TPSAB1: variants seen among roughly 807,000 people sequenced by gnomAD.
TPSAB1 encodes tryptase alpha/beta-1.
In TPSAB1, 15 loss-of-function variants were observed where a neutral mutation model predicts 21.8. The observed-to-expected ratio is 0.69, with a 90% CI of 0.46 to 1.06. The LOEUF (loss-of-function observed/expected upper bound fraction) is 1.06, where lower values mean the gene tolerates loss of function less well. TPSAB1 is among the 50% of genes least tolerant of loss of function. The pLI, the probability that TPSAB1 is intolerant of heterozygous loss-of-function variation, is 0.00. For synonymous variants in TPSAB1, 74 were observed against 140.4 expected, an observed-to-expected ratio of 0.53 and a Z score of 3.34; for missense variants, 186 against 311.2, an observed-to-expected ratio of 0.60 and a Z score of 3.03.
rs767497079 is a variant in TPSAB1, at chr16:1,241,305, G to T, written c.214G>T (p.Ala72Ser). ...CATCCACCCCCAGTGGGTGCTGACC[G>T]CAGCGCACTGCGTGGGACCGTGAGT... is the stretch of plus-strand genomic sequence containing the variant. ...SLIHPQWVLTAAHCVGPDVKD... is the reference protein window; with the variant it reads ...SLIHPQWVLTSAHCVGPDVKD... The change falls in exon 3 of 6, where the codon GCA (alanine) becomes TCA (serine). Residue 72 changes from alanine (A) to serine (S), a missense_variant. This residue lies in a region of TPSAB1 where 89 missense variants were observed against 74.9 expected (regional missense o/e 1.19). Transcript: ENST00000338844. The T allele has an allele frequency of 1.9e-6, 3 of 1,610,530 alleles. No homozygotes were observed. The highest frequency in any genetic ancestry group is 3.3e-5 in the Admixed American group (2 of 59,830).
chr16:1,242,004 G>GGGGGCCC lies in TPSAB1; in HGVS notation c.663+14_663+15insGGGGCCC. 1 of 325,788 alleles carries GGGGGCCC rather than the reference G, an allele frequency of 3.1e-6. No homozygotes were observed. The allele number at this position is 325,788 out of a possible 1,614,324, so 20.2% of individuals were successfully genotyped here. On this transcript the variant is annotated intron_variant, in intron 5 of 5. Transcript: ENST00000338844. The stretch of plus-strand genomic sequence containing the variant: ...GACTCATGCCAGGTGGGCCCCGCCT[G>GGGGGCCC]TCCCCCGCCCCCCGCCCCCCAACCC...
Position 1,242,332 on chromosome 16 carries a change from C to G in TPSAB1, c.*92C>G. The G allele has an allele frequency of 2.0e-6, 3 of 1,514,590 alleles. No individual in the cohort carries two copies. The highest frequency in any genetic ancestry group is 1.8e-4 in the Middle Eastern group (1 of 5,684). 93.8% of individuals were successfully genotyped at this position (1,514,590 alleles called of 1,614,324 possible). A position where few individuals can be genotyped will look rare whatever the true frequency, so the allele number is the denominator to read the frequency against. On this transcript the variant is annotated 3_prime_UTR_variant, in exon 6 of 6. Coordinates refer to ENST00000338844, the MANE Select transcript of TPSAB1 (RefSeq NM_003294.4). ...TCCTACCCAGGTGGCGACTGCCCCC[C>G]ACACCTTCCCTGCCCCGTCCTGAGT...
In TPSAB1 at chr16:1,242,340, C is replaced by G; in HGVS notation, c.*100C>G. ...AGGTGGCGACTGCCCCCCACACCTTCCCTGCCCCGTCCTGAGTGCCCCTTC... is the reference window on the plus strand; with the variant it reads ...AGGTGGCGACTGCCCCCCACACCTTGCCTGCCCCGTCCTGAGTGCCCCTTC... On this transcript the variant is annotated 3_prime_UTR_variant, in exon 6 of 6. Coordinates refer to ENST00000338844, the MANE Select transcript of TPSAB1 (RefSeq NM_003294.4). The G allele has an allele frequency of 7.1e-7, 1 of 1,406,786 alleles. No homozygotes were observed. Among genetic ancestry groups the G allele is most frequent in the South Asian group, 1.4e-5 (1 of 72,832 alleles). 87.1% of individuals were successfully genotyped at this position (1,406,786 alleles called of 1,614,324 possible).
Position 1,241,324 on chromosome 16 carries a change from C to G in TPSAB1, c.233C>G (p.Pro78Arg). Reference sequence around the variant, plus strand: ...CTGACCGCAGCGCACTGCGTGGGACCGTGAGTCTCCCGGGGCCTGGAGGGG... The same window carrying G: ...CTGACCGCAGCGCACTGCGTGGGACGGTGAGTCTCCCGGGGCCTGGAGGGG... ...WVLTAAHCVG[P>R]DVKDLAALRV... Residue 78 changes from proline (P) to arginine (R), a missense_variant and splice_region_variant, in exon 3 of 6, where the codon CCG becomes CGG. This residue lies in a region of TPSAB1 where 10 missense variants were observed against 104.5 expected (regional missense o/e 0.10). Transcript: ENST00000338844. 2 of 1,611,516 alleles carry G rather than the reference C, an allele frequency of 1.2e-6. No individual in the cohort carries two copies. Among genetic ancestry groups the G allele is most frequent in the South Asian group, 1.1e-5 (1 of 90,818 alleles).
chr16:1,241,273 G>A lies in TPSAB1; in HGVS notation c.182G>A (p.Gly61Asp), dbSNP rs371289216. Residue 61 changes from glycine (G) to aspartate (D), a missense_variant, in exon 3 of 6, where the codon GGC becomes GAC. Transcript: ENST00000338844. ...CCATACTGGATGCACTTCTGCGGGG[G>A]CTCCCTCATCCACCCCCAGTGGGTG... ...HGPYWMHFCG[G>D]SLIHPQWVLT... is the part of the protein sequence containing the mutation. The A allele has an allele frequency of 1.9e-6, 3 of 1,611,812 alleles. No individual in the cohort carries two copies. The highest frequency in any genetic ancestry group is 2.2e-5 in the East Asian group (1 of 44,868).
chr16:1,241,792 C>G, intron 4 of TPSAB1, 35 bp from the exon 5 acceptor site: 1 of 490,132 alleles, frequency 2.0e-6, no homozygotes, highest in East Asian at 3.1e-5. Flanking sequence ...TTGCCCGGCC[C>G]CCTCCTGAGG....
Position 1,242,211 on chromosome 16 carries a change from A to T in TPSAB1, c.799A>T (p.Ile267Phe), listed in dbSNP as rs1324533000. Residue 267 changes from isoleucine (I) to phenylalanine (F), a missense_variant, in exon 6 of 6, where the codon ATC becomes TTC. Ile to Phe is a conservative substitution (Grantham distance 21, BLOSUM62 0). Transcript: ENST00000338844. ...YTRVTYYLDW[I>F]HHYVPKKP ...CCGTGTCACCTACTACTTGGACTGG[A>T]TCCACCACTATGTCCCCAAAAAGCC... 2 of 1,609,106 alleles carry T rather than the reference A, an allele frequency of 1.2e-6. No homozygotes were observed. Among genetic ancestry groups the T allele is most frequent in the Non-Finnish European group, 8.5e-7 (1 of 1,178,304 alleles).
rs1279735089 is a variant in TPSAB1, at chr16:1,242,227, C to A, written c.815C>A (p.Pro272His). 1 of 1,611,696 alleles carries A rather than the reference C, an allele frequency of 6.2e-7. No individual in the cohort carries two copies. Among genetic ancestry groups the A allele is most frequent in the South Asian group, 1.1e-5 (1 of 90,350 alleles). Residue 272 changes from proline to histidine, a missense_variant, in exon 6 of 6, where the codon CCC (proline) becomes CAC (histidine). Pro to His is a moderately conservative substitution (Grantham distance 77). This residue lies in a region of TPSAB1 where 85 missense variants were observed against 104.3 expected (regional missense o/e 0.81). Coordinates refer to ENST00000338844, the MANE Select transcript of TPSAB1 (RefSeq NM_003294.4). ...TTGGACTGGATCCACCACTATGTCC[C>A]CAAAAAGCCGTGAGTCAGGCCTGGG... ...YYLDWIHHYV[P>H]KKP is the part of the protein sequence containing the mutation.
chr16:1,241,304 C>A lies in TPSAB1; in HGVS notation c.213C>A (p.Thr71=). The A allele has an allele frequency of 6.2e-7, 1 of 1,610,858 alleles. No individual in the cohort carries two copies. The highest frequency in any genetic ancestry group is 8.5e-7 in the Non-Finnish European group (1 of 1,178,404). ...GSLIHPQWVL[T]AAHCVGPDVK... is the part of the protein sequence containing the mutation. ...TCATCCACCCCCAGTGGGTGCTGACCGCAGCGCACTGCGTGGGACCGTGAG... is the reference window on the plus strand; with the variant it reads ...TCATCCACCCCCAGTGGGTGCTGACAGCAGCGCACTGCGTGGGACCGTGAG... Residue 71 remains threonine, a synonymous_variant, in exon 3 of 6, where the codon ACC becomes ACA. Coordinates refer to ENST00000338844, the MANE Select transcript of TPSAB1 (RefSeq NM_003294.4).
rs1200993801 is a variant in TPSAB1 at position 1,242,336 on chromosome 16, C to T, written c.*96C>T. 19 of 1,439,866 alleles carry T rather than the reference C, an allele frequency of 1.3e-5. 1 individual carries two copies. The highest frequency in any genetic ancestry group is 1.7e-5 in the Non-Finnish European group (18 of 1,057,232). 89.2% of individuals were successfully genotyped at this position (1,439,866 alleles called of 1,614,324 possible). On this transcript the variant is annotated 3_prime_UTR_variant, in exon 6 of 6. Transcript: ENST00000338844. ...ACCCAGGTGGCGACTGCCCCCCACA[C>T]CTTCCCTGCCCCGTCCTGAGTGCCC... is the stretch of plus-strand genomic sequence containing the variant.
Position 1,241,339 on chromosome 16 carries a change from G to A in TPSAB1, c.233+15G>A, listed in dbSNP as rs776148558. 24 of 1,612,084 alleles carry A rather than the reference G, an allele frequency of 1.5e-5. No homozygotes were observed. The highest frequency in any genetic ancestry group is 2.0e-5 in the Non-Finnish European group (23 of 1,179,166). On this transcript the variant is annotated intron_variant, in intron 3 of 5. Coordinates refer to ENST00000338844, the MANE Select transcript of TPSAB1 (RefSeq NM_003294.4). ...TGCGTGGGACCGTGAGTCTCCCGGG[G>A]CCTGGAGGGGTGGGGAAGGGCTGGA...
intron 5 of TPSAB1, 24 bp downstream of exon 5, chr16:1,242,014 C>CCCCCCCCCCCCAA: frequency 1.0e-5 from 3 of 294,030 alleles, no homozygotes; most frequent in Non-Finnish European, 1.1e-5. Flanking sequence ...GTCCCCCGCC[C>CCCCCCCCCCCCAA]CCCGCCCCCC....
chr16:1,241,817 C>G lies in TPSAB1; in HGVS notation c.500-10C>G. 2.1e-6 allele frequency: 1 copy of G among 486,630 alleles called. No individual in the cohort carries two copies. The allele number at this position is 486,630 out of a possible 1,614,324, so 30.1% of individuals were successfully genotyped here. ...CCCTCCTGAGGCTGCACCCTCTTCC[C>G]CACCTGCAGAGCGCCTCCCACCGCC... is the stretch of plus-strand genomic sequence containing the variant. On this transcript the variant is annotated splice_polypyrimidine_tract_variant and intron_variant, in intron 4 of 5. Coordinates refer to ENST00000338844, the MANE Select transcript of TPSAB1 (RefSeq NM_003294.4).
rs1466134477 is a variant in TPSAB1, at chr16:1,241,291, A to T, written c.200A>T (p.Gln67Leu). The T allele has an allele frequency of 2.5e-6, 4 of 1,611,350 alleles. No individual in the cohort carries two copies. Among genetic ancestry groups the T allele is most frequent in the African/African-American group, 1.3e-5 (1 of 74,902 alleles). ...TGCGGGGGCTCCCTCATCCACCCCC[A>T]GTGGGTGCTGACCGCAGCGCACTGC... ...HFCGGSLIHPQWVLTAAHCVG... is the reference protein window; with the variant it reads ...HFCGGSLIHPLWVLTAAHCVG... The change falls in exon 3 of 6, where the codon CAG (glutamine) becomes CTG (leucine). Residue 67 changes from glutamine (Q) to leucine (L), a missense_variant. Around this residue, in one of 4 missense-constraint regions of TPSAB1, gnomAD observed 89 missense variants for 74.9 expected, o/e 1.19. Coordinates refer to ENST00000338844, the MANE Select transcript of TPSAB1 (RefSeq NM_003294.4).
chr16:1,241,186 T>G lies in TPSAB1; in HGVS notation c.95T>G (p.Val32Gly). The G allele has an allele frequency of 6.2e-7, 1 of 1,608,570 alleles. No homozygotes were observed. The highest frequency in any genetic ancestry group is 1.7e-5 in the Admixed American group (1 of 59,514). Residue 32 changes from valine to glycine, a missense_variant, in exon 3 of 6, where the codon GTC (valine) becomes GGC (glycine). This residue lies in a region of TPSAB1 where 89 missense variants were observed against 74.9 expected (regional missense o/e 1.19). Coordinates refer to ENST00000338844, the MANE Select transcript of TPSAB1 (RefSeq NM_003294.4). Reference sequence around the variant, plus strand: ...CAGGCCCTGCAGCGAGTGGGCATCGTCGGGGGTCAGGAGGCCCCCAGGAGC... The same window carrying G: ...CAGGCCCTGCAGCGAGTGGGCATCGGCGGGGGTCAGGAGGCCCCCAGGAGC... The part of the protein sequence containing the change: ...PGQALQRVGI[V>G]GGQEAPRSKW...
rs1324081283 is a variant in TPSAB1, at chr16:1,242,234, G to T, written c.822G>T (p.Lys274Asn). 9 of 1,611,982 alleles carry T rather than the reference G, an allele frequency of 5.6e-6. No individual in the cohort carries two copies. The highest frequency in any genetic ancestry group is 7.6e-6 in the Non-Finnish European group (9 of 1,179,346). Residue 274 changes from lysine to asparagine, a missense_variant, in exon 6 of 6, where the codon AAG becomes AAT. Physicochemically the swap from Lys to Asn is moderately conservative, Grantham distance 94. Transcript: ENST00000338844. The stretch of plus-strand genomic sequence containing the variant: ...GGATCCACCACTATGTCCCCAAAAA[G>T]CCGTGAGTCAGGCCTGGGTTGGCCA... Reference protein sequence around the residue: ...LDWIHHYVPKKP With the variant: ...LDWIHHYVPKNP
chr16:1,242,090 GCC>G lies in TPSAB1; in HGVS notation c.681_682del (p.Leu228GlyfsTer93), dbSNP rs2030680511. ...RDSCQGDSGG[P>X]LVCKVNGTWL... ...GACCTTCCCAGGGCGACTCCGGAGG[GCC>G]CCTGGTGTGCAAGGTGAATGGCACC... On this transcript the variant is annotated frameshift_variant, in exon 6 of 6. Coordinates refer to ENST00000338844, the MANE Select transcript of TPSAB1 (RefSeq NM_003294.4). LOFTEE classifies it low-confidence loss of function (END_TRUNC). The G allele has an allele frequency of 2.7e-6, 4 of 1,462,216 alleles. No homozygotes were observed. The East Asian group carries it at 1.0e-4, about 38-fold the overall frequency. The allele number at this position is 1,462,216 out of a possible 1,614,324, so 90.6% of individuals were successfully genotyped here.
At position 1,242,284 on chromosome 16, in the gene TPSAB1, C is replaced by T. The variant is rs772352361; in HGVS notation, c.*44C>T. ...ACCTGGGTCACTGGAGGACCAACCC[C>T]TGCTGTCCAAAACACCACTGCTTCC... On this transcript the variant is annotated 3_prime_UTR_variant, in exon 6 of 6. Coordinates refer to ENST00000338844, the MANE Select transcript of TPSAB1 (RefSeq NM_003294.4). 3 of 1,609,886 alleles carry T rather than the reference C, an allele frequency of 1.9e-6. No individual in the cohort carries two copies. The highest frequency in any genetic ancestry group is 4.5e-5 in the East Asian group (2 of 44,752).
Position 1,242,350 on chromosome 16 carries a change from T to C in TPSAB1, c.*110T>C. On this transcript the variant is annotated 3_prime_UTR_variant, in exon 6 of 6. Transcript: ENST00000338844. ...TGCCCCCCACACCTTCCCTGCCCCG[T>C]CCTGAGTGCCCCTTCCTGTCCTAAG... 1 of 925,798 alleles carries C rather than the reference T, an allele frequency of 1.1e-6. No homozygotes were observed. Among genetic ancestry groups the C allele is most frequent in the South Asian group, 1.8e-5 (1 of 56,978 alleles). The allele number at this position is 925,798 out of a possible 1,614,324, so 57.3% of individuals were successfully genotyped here. A position where few individuals can be genotyped will look rare whatever the true frequency, so the allele number is the denominator to read the frequency against.
Sources: gnomAD v4.1 joint callset for allele counts on GRCh38, gnomAD v4.1.1 for gene constraint, gnomAD v4.1.1 regional missense constraint, MANE v1.5 for transcripts, NCBI Gene and HGNC (gene_info 2026-07-23, HGNC 2026-07-21) for gene names.